Variants in PDE4B observed in about 807,000 individuals in gnomAD.
PDE4B encodes 3',5'-cyclic-AMP phosphodiesterase 4B.
A neutral mutation model predicts 82.2 loss-of-function variants in PDE4B; 20 were observed. That is an observed-to-expected ratio of 0.24 (90% CI 0.17 to 0.35). The LOEUF (loss-of-function observed/expected upper bound fraction) is 0.35. PDE4B is among the 10% of genes least tolerant of loss of function. PDE4B has a pLI of 1.00. For missense variants in PDE4B, 655 were observed against 907.2 expected (o/e 0.72, Z 3.57); for synonymous variants, 320 against 318.9 (o/e 1.00, Z -0.04).
chr1:65,800,284 A>G (rs1239001196), intron 1 of PDE4B, among the ~76,000 whole-genome samples: 1 of 152,212 alleles, frequency 6.6e-6, no homozygotes, highest in Middle Eastern at 3.2e-3. Flanking sequence ...AACTCCCTGG[A>G]TGAGAAATAA....
At chr1:65,995,185 T>C (rs985708653) in intron 3 of PDE4B, among the ~76,000 whole-genome samples, 2 of 152,176 alleles carry the variant, frequency 1.3e-5, no homozygotes, top group Admixed American at 1.3e-4. Context: ...TTCACCCTTT[T>C]TTCTTTCAAC....
At chr1:66,333,203 GT>G (rs1312034905) in intron 8 of PDE4B, among the ~76,000 whole-genome samples, 1 of 152,150 alleles carries the variant, frequency 6.6e-6, no homozygotes, top group African/African-American at 2.4e-5. Flanking sequence ...TTTTCTTTAA[GT>G]TTGCTGATTT....
Position 66,312,978 on chromosome 1 carries a change from A to G in PDE4B, c.635-19530A>G, listed in dbSNP as rs534093959. Among the ~76,000 whole-genome samples the G allele has an allele frequency of 9.2e-5, 14 of 152,132 alleles. 1 individual carries two copies. The South Asian group carries it at 2.7e-3, about 29-fold the overall frequency. Reference sequence around the variant, plus strand: ...TAGAACATCACTCACAACCTTGTGGATATCTGCTTCATGTTTTAATTACAA... The same window carrying G: ...TAGAACATCACTCACAACCTTGTGGGTATCTGCTTCATGTTTTAATTACAA... On this transcript the variant is annotated intron_variant, in intron 7 of 16. Transcript: ENST00000341517.
At chr1:65,806,530 A>G (rs1422050375) in intron 1 of PDE4B, among the ~76,000 whole-genome samples, 1 of 152,238 alleles carries the variant, frequency 6.6e-6, no homozygotes, top group African/African-American at 2.4e-5. Context: ...TCACTTTCAG[A>G]GTTTTAAATT....
chr1:65,868,754 C>T (rs146082054), intron 1 of PDE4B, among the ~76,000 whole-genome samples: 82 of 152,310 alleles, frequency 5.4e-4, no homozygotes, highest in African/African-American at 1.9e-3. Flanking sequence ...CGAGCATTAC[C>T]GCCTGAACTC....
At chr1:66,106,199 G>A (rs867526699) in intron 3 of PDE4B, among the ~76,000 whole-genome samples, 2 of 151,336 alleles carry the variant, frequency 1.3e-5, no homozygotes, top group African/African-American at 2.4e-5. Flanking sequence ...TGAGATAATC[G>A]TGGTTTTTGT....
chr1:65,843,184 G>T (rs911823315), intron 1 of PDE4B, among the ~76,000 whole-genome samples: 6 of 152,104 alleles, frequency 3.9e-5, no homozygotes, highest in Non-Finnish European at 8.8e-5. Context: ...AAGAAAAGAG[G>T]TTATATAGGA....
intron 1 of PDE4B, among the ~76,000 whole-genome samples, chr1:65,837,879 T>G (rs1209746562): frequency 6.6e-6 from 1 of 152,158 alleles, no homozygotes; most frequent in Non-Finnish European, 1.5e-5. Flanking sequence ...CCATTAGTTA[T>G]TTTTCTACCT....
At chr1:65,831,066 T>C (rs138317372) in intron 1 of PDE4B, among the ~76,000 whole-genome samples, 1 of 152,112 alleles carries the variant, frequency 6.6e-6, no homozygotes, top group African/African-American at 2.4e-5. Flanking sequence ...AATGCCTCTA[T>C]TGAAATGAAG....
chr1:65,962,873 T>C (rs556853980), intron 3 of PDE4B, among the ~76,000 whole-genome samples: 1 of 152,292 alleles, frequency 6.6e-6, no homozygotes, highest in South Asian at 2.1e-4. Flanking sequence ...GTGGCTGCTA[T>C]TAATAATTAC....
intron 1 of PDE4B, among the ~76,000 whole-genome samples, chr1:65,807,708 A>G (rs751223126): frequency 8.5e-5 from 13 of 152,140 alleles, no homozygotes; most frequent in Admixed American, 5.9e-4. Context: ...GCTATTTTCA[A>G]TTGGTTTTCT....
intron 12 of PDE4B, among the ~76,000 whole-genome samples, chr1:66,365,021 T>C (rs148789167): frequency 4.7e-4 from 72 of 152,250 alleles, no homozygotes; most frequent in African/African-American, 1.7e-3. Flanking sequence ...GTTTGAATCA[T>C]TGTGCATGGG....
rs1405140385 is a variant in PDE4B at position 66,255,898 on chromosome 1, G to C, written c.477-1749G>C. Among the ~76,000 whole-genome samples the C allele has an allele frequency of 2.6e-5, 4 of 152,222 alleles. 1 individual carries two copies. The South Asian group carries it at 8.3e-4, about 31-fold the overall frequency. ...TAGGAAGCATAGGCTGGGTGTAGTG[G>C]TTTACACCTGTAACTCCAGCACTTG... On this transcript the variant is annotated intron_variant, in intron 4 of 16. Transcript: ENST00000341517.
At chr1:66,157,102 C>T (rs1646515998) in intron 3 of PDE4B, among the ~76,000 whole-genome samples, 1 of 152,198 alleles carries the variant, frequency 6.6e-6, no homozygotes, top group East Asian at 1.9e-4. Flanking sequence ...GAGGACCCTG[C>T]TGTAATGCCA....
intron 6 of PDE4B, among the ~76,000 whole-genome samples, chr1:66,261,846 G>T (rs940385594): frequency 2.0e-5 from 3 of 152,170 alleles, no homozygotes; most frequent in Non-Finnish European, 4.4e-5. Flanking sequence ...TTCATTTAGA[G>T]TTGTTAATTC....
At chr1:66,371,093 ACTATATATAT>A (rs2050749013) in intron 16 of PDE4B, among the ~76,000 whole-genome samples, 1 of 48,928 alleles carries the variant, frequency 2.0e-5, no homozygotes, top group Non-Finnish European at 4.0e-5. Flanking sequence ...CACACATCAT[ACTATATATAT>A]ATATATATAT....
At chr1:66,283,760 A>C (rs1182217320) in intron 7 of PDE4B, among the ~76,000 whole-genome samples, 1 of 152,176 alleles carries the variant, frequency 6.6e-6, no homozygotes, top group Non-Finnish European at 1.5e-5. Context: ...TTAACAACAC[A>C]CCAAAAAGAA....
rs138654608 is a variant in PDE4B at position 66,087,356 on chromosome 1, C to T, written c.282-160104C>T. On this transcript the variant is annotated intron_variant, in intron 3 of 16. Coordinates refer to ENST00000341517, the MANE Select transcript of PDE4B (RefSeq NM_002600.4). ...TGATGGGGTTGTTTGTTTTTTTCTT[C>T]TAAATTTGTTTGAGTTCATTGTAGA... Among the ~76,000 whole-genome samples the T allele has an allele frequency of 2.6e-3, 394 of 152,058 alleles. 3 individuals are homozygous for T. The highest frequency in any genetic ancestry group is 9.0e-3 in the African/African-American group (372 of 41,486).
At chr1:66,288,597 C>T (rs1467607800) in intron 7 of PDE4B, among the ~76,000 whole-genome samples, 3 of 152,058 alleles carry the variant, frequency 2.0e-5, no homozygotes, top group South Asian at 2.1e-4. Context: ...CCTAAACTAG[C>T]GCCTGGCTTA....
Sources: gnomAD v4.1 joint callset for allele counts (sites outside exome capture counted in the v4.1 genomes callset) on GRCh38, gnomAD v4.1.1 for gene constraint, MANE v1.5 for transcripts, NCBI Gene and HGNC (gene_info 2026-07-23, HGNC 2026-07-21) for gene names.